TAOK3: variants seen among roughly 807,000 people sequenced by gnomAD.
The protein encoded by TAOK3 is serine/threonine-protein kinase TAO3.
A neutral mutation model predicts 120.4 loss-of-function variants in TAOK3; 40 were observed. The ratio of observed to expected loss-of-function variants is 0.33; its 90% confidence interval spans 0.26 to 0.43. TAOK3 has a LOEUF of 0.43. Ranked by LOEUF, TAOK3 falls within the 20% of genes least tolerant of loss-of-function variation. The pLI is 1.00. For missense variants in TAOK3, 821 were observed against 1,112.1 expected (o/e 0.74, Z 3.72); for synonymous variants, 355 against 387.5 (o/e 0.92, Z 0.99).
intron 7 of TAOK3, chr12:118,236,837 ATTAT>A (rs1194487093): frequency 2.6e-5 from 4 of 152,202 alleles, no homozygotes; most frequent in Non-Finnish European, 2.9e-5. Flanking sequence ...TTAAAAAAAC[ATTAT>A]TTATAAGTAT....
intron 1 of TAOK3, chr12:118,359,247 A>C (rs372396606): frequency 1.3e-4 from 20 of 152,338 alleles, no homozygotes; most frequent in African/African-American, 4.8e-4. Context: ...AACTCTCTAA[A>C]AATTTTTCCA....
intron 20 of TAOK3, 143 bp from the exon 21 acceptor site, chr12:118,151,301 A>G: frequency 5.9e-6 from 3 of 505,122 alleles, no homozygotes; most frequent in Middle Eastern, 5.4e-4. Flanking sequence ...ACACACACAC[A>G]CACACACACA....
At chr12:118,195,320 G>A (rs1437531135) in intron 13 of TAOK3, among the ~76,000 whole-genome samples, 3 of 152,160 alleles carry the variant, frequency 2.0e-5, no homozygotes, top group Non-Finnish European at 4.4e-5. Context: ...TACACCTTTT[G>A]ATTAACAAAT....
intron 9 of TAOK3, among the ~76,000 whole-genome samples, chr12:118,226,778 G>A (rs1176790448): frequency 1.3e-5 from 2 of 152,264 alleles, no homozygotes; most frequent in African/African-American, 4.8e-5. Context: ...GGCTGATACA[G>A]AGAGCATGTA....
intron 14 of TAOK3, among the ~76,000 whole-genome samples, chr12:118,185,843 G>A (rs1409429082): frequency 6.6e-6 from 1 of 152,164 alleles, no homozygotes; most frequent in East Asian, 1.9e-4. Flanking sequence ...ATGTAGATTG[G>A]ACAGCATAAG....
chr12:118,267,980 TA>T (rs2041533243), intron 1 of TAOK3, among the ~76,000 whole-genome samples: 1 of 152,136 alleles, frequency 6.6e-6, no homozygotes, highest in South Asian at 2.1e-4. Flanking sequence ...TGGACGTATT[TA>T]TTTCTGCCTG....
intron 1 of TAOK3, among the ~76,000 whole-genome samples, chr12:118,365,161 G>GT (rs1398488942): frequency 6.6e-6 from 1 of 152,202 alleles, no homozygotes; most frequent in Admixed American, 6.5e-5. Flanking sequence ...GTATCTTGCT[G>GT]TTTTTTATGT....
intron 1 of TAOK3, among the ~76,000 whole-genome samples, chr12:118,339,172 T>TAACTCTAAAGGCAGTGATAGGA (rs1313977497): frequency 6.6e-6 from 1 of 151,800 alleles, no homozygotes; most frequent in Non-Finnish European, 1.5e-5. Flanking sequence ...CTTATTAAGT[T>TAACTCTAAAGGCAGTGATAGGA]AACTCTAAAG....
intron 9 of TAOK3, among the ~76,000 whole-genome samples, chr12:118,216,915 T>G (rs1593189212): frequency 1.7e-5 from 2 of 119,688 alleles, no homozygotes; most frequent in East Asian, 2.3e-4. Context: ...GGCGTCAGAG[T>G]GAGACTCCAT....
chr12:118,307,193 C>T (rs1313581727), intron 1 of TAOK3, among the ~76,000 whole-genome samples: 1 of 152,096 alleles, frequency 6.6e-6, no homozygotes, highest in Non-Finnish European at 1.5e-5. Flanking sequence ...TTTTTTACCA[C>T]TTTATGAATC....
At chr12:118,270,130 T>C (rs887712856) in intron 1 of TAOK3, among the ~76,000 whole-genome samples, 27 of 152,198 alleles carry the variant, frequency 1.8e-4, no homozygotes, top group African/African-American at 6.3e-4. Context: ...TGACCATTAT[T>C]CCAAGCCCCA....
chr12:118,304,940 C>T (rs1451395180), intron 1 of TAOK3, among the ~76,000 whole-genome samples: 1 of 152,072 alleles, frequency 6.6e-6, no homozygotes, highest in African/African-American at 2.4e-5. Context: ...TAGTCTTCAG[C>T]CTGCTATCTG....
intron 1 of TAOK3, chr12:118,283,763 C>G: frequency 4.9e-6 from 1 of 204,518 alleles, no homozygotes; most frequent in South Asian, 7.7e-5. Context: ...CAACAACAAA[C>G]AAACCAGACA....
chr12:118,223,273 G>A (rs2039336158), intron 9 of TAOK3, among the ~76,000 whole-genome samples: 1 of 150,468 alleles, frequency 6.6e-6, no homozygotes, highest in Admixed American at 6.6e-5. Flanking sequence ...GGGTTTCACT[G>A]TGGTCTCGAT....
chr12:118,323,290 A>G (rs918634479), intron 1 of TAOK3, among the ~76,000 whole-genome samples: 150 of 152,206 alleles, frequency 9.9e-4, no homozygotes, highest in Non-Finnish European at 1.1e-3. Flanking sequence ...CCAAATACAC[A>G]TAGATATTTA....
At chr12:118,157,633 T>G (rs1328815829) in intron 19 of TAOK3, among the ~76,000 whole-genome samples, 1 of 152,224 alleles carries the variant, frequency 6.6e-6, no homozygotes, top group African/African-American at 2.4e-5. Flanking sequence ...GTTGGCACCT[T>G]GCTCTTGCTC....
chr12:118,282,698 C>G (rs116576234), intron 1 of TAOK3, among the ~76,000 whole-genome samples: 101 of 152,240 alleles, frequency 6.6e-4, no homozygotes, highest in African/African-American at 2.0e-3. Flanking sequence ...GCTGTTGATG[C>G]CATCATCATT....
At chr12:118,172,894 G>A (rs1156388992) in intron 16 of TAOK3, among the ~76,000 whole-genome samples, 1 of 152,088 alleles carries the variant, frequency 6.6e-6, no homozygotes, top group East Asian at 1.9e-4. Flanking sequence ...GAAATTATTT[G>A]TTCACTCATT....
In TAOK3 at chr12:118,294,371, ATTTCT is replaced by A. The variant is rs540652261; in HGVS notation, c.-193-27617_-193-27613del. Among the ~76,000 whole-genome samples, 429 of 151,446 alleles carry A rather than the reference ATTTCT, an allele frequency of 2.8e-3. 1 individual carries two copies. Among genetic ancestry groups the A allele is most frequent in the African/African-American group, 9.6e-3 (398 of 41,320 alleles). ...TATAGATTAGTTTACATTTTCCAGA[ATTTCT>A]TTTCTTTTCTTTTTTTTTTCTTTTT... On this transcript the variant is annotated intron_variant, in intron 1 of 20. Transcript: ENST00000392533.
Sources: allele counts gnomAD v4.1 joint callset (sites outside exome capture counted in the v4.1 genomes callset), GRCh38; gene constraint gnomAD v4.1.1; transcripts MANE v1.5; gene names NCBI Gene and HGNC (gene_info 2026-07-23, HGNC 2026-07-21).